Variants in RO60 observed in about 807,000 individuals in gnomAD.
The protein encoded by RO60 is RNA-binding protein RO60.
RO60 carries 20 observed loss-of-function variants against 55.3 expected under a neutral mutation model. The ratio of observed to expected loss-of-function variants is 0.36; its 90% CI spans 0.25 to 0.53. RO60 has a LOEUF of 0.53. RO60 is among the 20% of genes least tolerant of loss of function. The probability of loss-of-function intolerance (pLI) is 0.92; values close to 1 mark genes in which losing one functional copy is unlikely to be tolerated. For missense variants in RO60, 558 were observed against 646.6 expected (o/e 0.86, Z 1.49); for synonymous variants, 213 against 213.6 (o/e 1.00, Z 0.02).
In RO60 at chr1:193,081,480, G is replaced by C; in HGVS notation, c.1203G>C (p.Met401Ile). The C allele has an allele frequency of 1.3e-6, 2 of 1,574,370 alleles. No homozygotes were observed. The highest frequency in any genetic ancestry group is 1.7e-6 in the Non-Finnish European group (2 of 1,147,252). The change falls in exon 6 of 9, where the codon ATG (methionine) becomes ATC (isoleucine). Residue 401 changes from methionine (M) to isoleucine (I), a missense_variant and splice_region_variant. Physicochemically the swap from Met to Ile is conservative, Grantham distance 10 (BLOSUM62 1). Transcript: ENST00000400968. The part of the protein sequence containing the change: ...NASTVAAAMC[M>I]VVTRTEKDSY... ...GTACAGTTGCTGCAGCAATGTGCAT[G>C]GTGAGAACACCTAAGACAATTTTGC...
intron 2 of RO60, among the ~76,000 whole-genome samples, chr1:193,074,747 A>G (rs963140508): frequency 1.3e-5 from 2 of 152,128 alleles, no homozygotes; most frequent in Non-Finnish European, 2.9e-5. Flanking sequence ...ATTAGATACC[A>G]TTTGTGAATT....
chr1:193,063,152 G>A (rs1231953137), intron 1 of RO60, among the ~76,000 whole-genome samples: 1 of 152,140 alleles, frequency 6.6e-6, no homozygotes, highest in Non-Finnish European at 1.5e-5. Context: ...AGCAGTATAT[G>A]AGCGTTTCAT....
chr1:193,072,469 A>G (rs1326369895), intron 2 of RO60, among the ~76,000 whole-genome samples: 5 of 150,404 alleles, frequency 3.3e-5, no homozygotes, highest in Non-Finnish European at 5.9e-5. Flanking sequence ...TTTCTGGCAC[A>G]CTAAAGTTTT....
At chr1:193,075,716 T>C (rs374451611) in intron 2 of RO60, 104 bp from the exon 3 acceptor site, 1 of 816,692 alleles carries the variant, frequency 1.2e-6, no homozygotes, top group Non-Finnish European at 1.9e-6. Context: ...CATTAACTCT[T>C]GTGTATCCAG....
In RO60 at chr1:193,090,235, G is replaced by A. The variant is rs1469877391; in HGVS notation, c.*5504G>A. ...ATGTGGATATGGATATGTGGATAAA[G>A]ACAGTAAATGAAATTAAAACCCTGC... On this transcript the variant is annotated 3_prime_UTR_variant, in exon 9 of 9. Transcript: ENST00000400968. 6.6e-6 allele frequency: 1 copy of A among 152,086 alleles called. No homozygotes were observed. Among genetic ancestry groups the A allele is most frequent in the African/African-American group, 2.4e-5 (1 of 41,406 alleles). The allele number at this position is 152,086 out of a possible 1,614,324, so 9.4% of individuals were successfully genotyped here.
At chr1:193,075,741 T>A in intron 2 of RO60, 79 bp from the exon 3 acceptor site, 1 of 1,032,486 alleles carries the variant, frequency 9.7e-7, no homozygotes, top group Non-Finnish European at 1.4e-6. Flanking sequence ...GTTGATCATA[T>A]AATGCATTTT....
chr1:193,069,661 A>G (rs1437440398), intron 2 of RO60, 27 bp downstream of exon 2: 1 of 1,538,624 alleles, frequency 6.5e-7, no homozygotes. Context: ...CATTGGGAAG[A>G]AGGGTGGGTA....
At position 193,076,942 on chromosome 1, in the gene RO60, C is replaced by A. The variant is rs55932617; in HGVS notation, c.978C>A (p.Ile326=). Residue 326 remains isoleucine, a synonymous_variant, in exon 5 of 9, where the codon ATC becomes ATA. Transcript: ENST00000400968. The part of the protein sequence containing the change: ...KARIHPFHIL[I]ALETYKTGHG... ...GTATACATCCATTTCATATTTTGAT[C>A]GCATTAGAAACTTACAAGACAGGTC... is the stretch of plus-strand genomic sequence containing the variant. 2 of 1,611,008 alleles carry A rather than the reference C, an allele frequency of 1.2e-6. No homozygotes were observed. The highest frequency in any genetic ancestry group is 1.7e-6 in the Non-Finnish European group (2 of 1,178,320).
At position 193,076,603 on chromosome 1, in the gene RO60, T is replaced by A. The variant is rs200864095; in HGVS notation, c.904T>A (p.Ser302Thr). The A allele has an allele frequency of 6.2e-7, 1 of 1,609,784 alleles. No homozygotes were observed. The highest frequency in any genetic ancestry group is 1.3e-5 in the African/African-American group (1 of 74,848). The change falls in exon 4 of 9, where the codon TCT (serine) becomes ACT (threonine). Residue 302 changes from serine to threonine, a missense_variant. Coordinates refer to ENST00000400968, the MANE Select transcript of RO60 (RefSeq NM_001173524.2). ...SVLEPGNSEV[S>T]LVCEKLCNEK... ...ACTTGAACCAGGAAATTCAGAAGTATCTTTAGTATGTGAAAAACTGTGTAA... is the reference window on the plus strand; with the variant it reads ...ACTTGAACCAGGAAATTCAGAAGTAACTTTAGTATGTGAAAAACTGTGTAA...
chr1:193,059,750 A>C lies in RO60; in HGVS notation c.-48A>C, dbSNP rs543312220. The C allele has an allele frequency of 1.2e-5, 16 of 1,355,794 alleles. No individual in the cohort carries two copies. Among genetic ancestry groups the C allele is most frequent in the African/African-American group, 1.5e-5 (1 of 67,708 alleles). 84.0% of individuals were successfully genotyped at this position (1,355,794 alleles called of 1,614,324 possible). On this transcript the variant is annotated 5_prime_UTR_variant, in exon 1 of 9. Coordinates refer to ENST00000400968, the MANE Select transcript of RO60 (RefSeq NM_001173524.2). This position sits in a 1 kb window ranked among gnomAD's most constrained non-coding sequence, Gnocchi z 4.9. ...AGGACTTCTCCTGGCGGCGCTGCGG[A>C]TCCAGGGGGTCGGCTGCCAGGTACA...
chr1:193,085,587 A>C lies in RO60; in HGVS notation c.*856A>C, dbSNP rs916712365. 3.0e-6 allele frequency: 3 copies of C among 984,504 alleles called. No homozygotes were observed. Among genetic ancestry groups the C allele is most frequent in the Admixed American group, 6.2e-5 (1 of 16,232 alleles). 61.0% of individuals were successfully genotyped at this position (984,504 alleles called of 1,614,324 possible). On this transcript the variant is annotated 3_prime_UTR_variant, in exon 9 of 9. Transcript: ENST00000400968. ...AAGTGTAAATAATATAAAATGTTTC[A>C]AGCGCTTAACTCCCCCTCATTCACA...
Position 193,076,503 on chromosome 1 carries a change from A to T in RO60, c.804A>T (p.Val268=), listed in dbSNP as rs562586491. ...TTCTGCCTATGTTATTGCAATAGGT[A>T]TGGAAGGCTTTGTTACAAGAAATGC... is the stretch of plus-strand genomic sequence containing the variant. ...LLTNHLKSKE[V]WKALLQEMPL... is the part of the protein sequence containing the mutation. Residue 268 remains valine (V), a splice_region_variant and synonymous_variant, in exon 4 of 9, where the codon GTA becomes GTT. Transcript: ENST00000400968. 44 of 1,611,396 alleles carry T rather than the reference A, an allele frequency of 2.7e-5. No homozygotes were observed. The South Asian group carries it at 4.7e-4, about 17-fold the overall frequency.
In RO60 at chr1:193,076,020, A is replaced by C. The variant is rs372946345; in HGVS notation, c.781A>C (p.Asn261His). Reference sequence around the variant, plus strand: ...ATTAGTTAGAGAACATCTTTTAACAAATCACTTAAAGTCTAAAGAGGTGAG... The same window carrying C: ...ATTAGTTAGAGAACATCTTTTAACACATCACTTAAAGTCTAAAGAGGTGAG... ...HRLVREHLLT[N>H]HLKSKEVWKA... Residue 261 changes from asparagine (N) to histidine (H), a missense_variant, in exon 3 of 9, where the codon AAT (asparagine) becomes CAT (histidine). By Grantham distance (68) the Asn-to-His change is moderately conservative. Coordinates refer to ENST00000400968, the MANE Select transcript of RO60 (RefSeq NM_001173524.2). 89 of 1,607,726 alleles carry C rather than the reference A, an allele frequency of 5.5e-5. 1 individual carries two copies. In the Admixed American group the frequency reaches 5.7e-4, roughly 10 times the overall value.
intron 1 of RO60, among the ~76,000 whole-genome samples, chr1:193,067,652 A>G (rs963556225): frequency 6.6e-6 from 1 of 152,214 alleles, no homozygotes; most frequent in Non-Finnish European, 1.5e-5. Context: ...GAAGGACCTC[A>G]ATAAACAGTG....
chr1:193,059,897 C>T lies in RO60; in HGVS notation c.-22+121C>T, dbSNP rs1672324753. 21 of 1,365,538 alleles carry T rather than the reference C, an allele frequency of 1.5e-5. No individual in the cohort carries two copies. The highest frequency in any genetic ancestry group is 2.1e-5 in the Non-Finnish European group (21 of 1,021,518). 84.6% of individuals were successfully genotyped at this position (1,365,538 alleles called of 1,614,324 possible). On this transcript the variant is annotated intron_variant, in intron 1 of 8. Coordinates refer to ENST00000400968, the MANE Select transcript of RO60 (RefSeq NM_001173524.2). This position sits in a 1 kb window ranked among gnomAD's most constrained non-coding sequence, Gnocchi z 4.9. The stretch of plus-strand genomic sequence containing the variant: ...AGGGGTTGAGGCTGGGCAAACGCCG[C>T]GAAACTATCGCTCTTCCCCGTCCCG...
Position 193,069,496 on chromosome 1 carries a change from C to T in RO60, c.442C>T (p.Leu148Phe), listed in dbSNP as rs778495215. 1.4e-5 allele frequency: 23 copies of T among 1,614,054 alleles called. No individual in the cohort carries two copies. The Admixed American group carries it at 2.0e-4, about 14-fold the overall frequency. The change falls in exon 2 of 9, where the codon CTC becomes TTC. Residue 148 changes from leucine (L) to phenylalanine (F), a missense_variant. Coordinates refer to ENST00000400968, the MANE Select transcript of RO60 (RefSeq NM_001173524.2). ...GAAATGTGGCATGTGGGGTCGTGCC[C>T]TCCGGAAGGCTATAGCGGACTGGTA... Reference protein sequence around the residue: ...SMKCGMWGRALRKAIADWYNE... With the variant: ...SMKCGMWGRAFRKAIADWYNE...
At chr1:193,071,491 T>C (rs1572076423) in intron 2 of RO60, among the ~76,000 whole-genome samples, 1 of 152,184 alleles carries the variant, frequency 6.6e-6, no homozygotes, top group Non-Finnish European at 1.5e-5. Flanking sequence ...TAGTCTCTTA[T>C]TGACAAGAGT....
intron 2 of RO60, among the ~76,000 whole-genome samples, chr1:193,071,697 T>G (rs1673514551): frequency 6.6e-6 from 1 of 150,618 alleles, no homozygotes; most frequent in South Asian, 2.1e-4. Flanking sequence ...ATTTACATTT[T>G]TGGGCAGAAG....
rs546114918 is a variant in RO60, at chr1:193,088,856, T to G, written c.*4125T>G. On this transcript the variant is annotated 3_prime_UTR_variant, in exon 9 of 9. Coordinates refer to ENST00000400968, the MANE Select transcript of RO60 (RefSeq NM_001173524.2). ...TCCTCATCTCTTATTTGTTGGAAGA[T>G]TACTTTTCTACCTCTTTTTTTTCTT... is the stretch of plus-strand genomic sequence containing the variant. 1.3e-5 allele frequency: 2 copies of G among 152,228 alleles called. No homozygotes were observed. The highest frequency in any genetic ancestry group is 1.5e-5 in the Non-Finnish European group (1 of 68,028). The allele number at this position is 152,228 out of a possible 1,614,324, so 9.4% of individuals were successfully genotyped here. A position where few individuals can be genotyped will look rare whatever the true frequency, so the allele number is the denominator to read the frequency against.
Sources: gnomAD v4.1 joint callset for allele counts (sites outside exome capture counted in the v4.1 genomes callset) on GRCh38, gnomAD v4.1.1 for gene constraint, Gnocchi (gnomAD v3.1) non-coding constraint, MANE v1.5 for transcripts, NCBI Gene and HGNC (gene_info 2026-07-23, HGNC 2026-07-21) for gene names.